Variants in INPP4B observed in about 807,000 individuals in gnomAD.
INPP4B encodes the protein inositol polyphosphate-4-phosphatase type II B, also known as inositol polyphosphate 4-phosphatase type II.
INPP4B carries 55 observed loss-of-function variants against 122.5 expected under a neutral mutation model. That is an observed-to-expected ratio of 0.45 (90% CI 0.36 to 0.56). The LOEUF (loss-of-function observed/expected upper bound fraction) is 0.56. Among genes scored for constraint, INPP4B ranks in the 20% least tolerant of loss-of-function variants. INPP4B has a pLI of 0.00. For missense variants in INPP4B, 1,000 were observed against 1,097.7 expected (o/e 0.91, Z 1.26); for synonymous variants, 403 against 388.7 (o/e 1.04, Z -0.43).
intron 2 of INPP4B, among the ~76,000 whole-genome samples, chr4:142,659,542 C>T (rs956097827): frequency 1.3e-5 from 2 of 152,110 alleles, no homozygotes; most frequent in Non-Finnish European, 1.5e-5. Flanking sequence ...TTCCTATGAA[C>T]CAACCAGCAA....
chr4:142,190,666 G>A (rs1049790865), intron 15 of INPP4B, among the ~76,000 whole-genome samples: 1 of 151,822 alleles, frequency 6.6e-6, no homozygotes, highest in Non-Finnish European at 1.5e-5. Context: ...GTGTTTGCAA[G>A]CATTGAACAT....
intron 21 of INPP4B, among the ~76,000 whole-genome samples, chr4:142,116,850 T>G (rs924474493): frequency 2.0e-5 from 3 of 151,702 alleles, no homozygotes; most frequent in Non-Finnish European, 4.4e-5. Flanking sequence ...AAAAAACCGT[T>G]CAAAAAAAGC....
At chr4:142,472,871 A>G (rs1819131404) in intron 2 of INPP4B, among the ~76,000 whole-genome samples, 1 of 152,216 alleles carries the variant, frequency 6.6e-6, no homozygotes, top group South Asian at 2.1e-4. Context: ...TTTGAAAAGA[A>G]AAACTTTTCT....
rs72941156 is a variant in INPP4B, at chr4:142,333,656, T to C, written c.373-18894A>G. Reference sequence around the variant, plus strand: ...CTTTATTACAGGTACTGAATTCAACTATTTTTTATTTTTGTTTTTTTTGTA... The same window carrying C: ...CTTTATTACAGGTACTGAATTCAACCATTTTTTATTTTTGTTTTTTTTGTA... On this transcript the variant is annotated intron_variant, in intron 7 of 25. Transcript: ENST00000262992. Among the ~76,000 whole-genome samples, 744 of 152,314 alleles carry C rather than the reference T, an allele frequency of 4.9e-3. 3 individuals are homozygous for C. Among genetic ancestry groups the C allele is most frequent in the African/African-American group, 0.017 (706 of 41,566 alleles).
At chr4:142,664,366 C>T (rs1755679392) in intron 2 of INPP4B, among the ~76,000 whole-genome samples, 1 of 152,120 alleles carries the variant, frequency 6.6e-6, no homozygotes, top group Non-Finnish European at 1.5e-5. Flanking sequence ...TCTAATACTC[C>T]ACCAAGGTCT....
intron 7 of INPP4B, among the ~76,000 whole-genome samples, chr4:142,398,376 TAAAAAAAAAA>T (rs1183246808): frequency 1.4e-3 from 12 of 8,866 alleles, no homozygotes; most frequent in South Asian, 9.5e-3. Flanking sequence ...AGACTCTGTC[TAAAAAAAAAA>T]AAAAAAAAAA....
rs1224252594 is a variant in INPP4B, at chr4:142,371,888, A to T, written c.372+31050T>A. On this transcript the variant is annotated intron_variant, in intron 7 of 25. Transcript: ENST00000262992. ...CGGCATGGAAGTCTCTCAAAAAAAA[A>T]AAAACTAAAAATAGAAGTACCATAC... 2.6e-5 allele frequency among the ~76,000 whole-genome samples: 4 copies of T among 151,984 alleles called. 1 individual carries two copies. In the East Asian group the frequency reaches 7.7e-4, roughly 29 times the overall value.
intron 5 of INPP4B, among the ~76,000 whole-genome samples, chr4:142,414,861 C>G (rs976455090): frequency 3.9e-5 from 6 of 152,130 alleles, no homozygotes; most frequent in Admixed American, 6.5e-5. Context: ...TTGGAAACAA[C>G]AAGTGTTTGC....
chr4:142,377,367 C>T (rs1284170598), intron 7 of INPP4B, among the ~76,000 whole-genome samples: 1 of 151,780 alleles, frequency 6.6e-6, no homozygotes, highest in Non-Finnish European at 1.5e-5. Flanking sequence ...TACCTTCTGC[C>T]ATGTCCAAGG....
chr4:142,610,761 T>A (rs2150336377), intron 2 of INPP4B, among the ~76,000 whole-genome samples: 1 of 152,200 alleles, frequency 6.6e-6, no homozygotes, highest in South Asian at 2.1e-4. Flanking sequence ...TTTTTGAAAA[T>A]TAACTGAGAA....
chr4:142,755,478 A>C (rs1770374122), intron 1 of INPP4B, among the ~76,000 whole-genome samples: 1 of 151,988 alleles, frequency 6.6e-6, no homozygotes, highest in Non-Finnish European at 1.5e-5. Context: ...CCAAACACAA[A>C]GCTATAATTT....
chr4:142,174,519 G>A (rs1183533363), intron 15 of INPP4B, among the ~76,000 whole-genome samples: 1 of 152,056 alleles, frequency 6.6e-6, no homozygotes, highest in African/African-American at 2.4e-5. Context: ...GACATTAGTA[G>A]CAGAATGCTA....
At chr4:142,664,381 C>A (rs1400373429) in intron 2 of INPP4B, among the ~76,000 whole-genome samples, 1 of 152,112 alleles carries the variant, frequency 6.6e-6, no homozygotes, top group African/African-American at 2.4e-5. Flanking sequence ...AGGTCTCACC[C>A]AAGTCTGGGC....
At chr4:142,051,293 T>C (rs996383207) in intron 25 of INPP4B, among the ~76,000 whole-genome samples, 5 of 152,026 alleles carry the variant, frequency 3.3e-5, no homozygotes, top group Admixed American at 6.6e-5. Flanking sequence ...CTAAAATTCA[T>C]AGTGCTTAAA....
chr4:142,406,750 C>G (rs781337678), intron 5 of INPP4B, among the ~76,000 whole-genome samples: 112 of 152,288 alleles, frequency 7.4e-4, no homozygotes, highest in Non-Finnish European at 1.0e-3. Context: ...AACATAATAG[C>G]TACAATGTAT....
At chr4:142,173,286 G>A (rs1579165713) in intron 16 of INPP4B, among the ~76,000 whole-genome samples, 1 of 151,866 alleles carries the variant, frequency 6.6e-6, no homozygotes, top group East Asian at 1.9e-4. Flanking sequence ...TAAAAATTAG[G>A]TGATCACCAG....
intron 2 of INPP4B, among the ~76,000 whole-genome samples, chr4:142,661,569 A>T (rs972977716): frequency 2.0e-5 from 3 of 152,234 alleles, no homozygotes; most frequent in African/African-American, 7.2e-5. Context: ...ATCTTTTATA[A>T]TAGTTAAACA....
intron 10 of INPP4B, among the ~76,000 whole-genome samples, chr4:142,266,792 G>C (rs918687778): frequency 6.6e-6 from 1 of 151,780 alleles, no homozygotes; most frequent in Non-Finnish European, 1.5e-5. Flanking sequence ...TGCTAATAAC[G>C]TGATCTTTTA....
In INPP4B at chr4:142,260,053, C is replaced by T. The variant is rs138798098; in HGVS notation, c.688+439G>A. On this transcript the variant is annotated intron_variant, in intron 11 of 25. Coordinates refer to ENST00000262992, the MANE Select transcript of INPP4B (RefSeq NM_001101669.3). ...AAGCTGGAGTGCAGTGGCGCGATCT[C>T]GGCTCCCTGCAACCTCCGCCCCTCG... 4.8e-3 allele frequency among the ~76,000 whole-genome samples: 727 copies of T among 152,222 alleles called. 4 individuals carry two copies. The highest frequency in any genetic ancestry group is 0.01 in the Middle Eastern group (3 of 294).
Sources: allele counts gnomAD v4.1 joint callset (sites outside exome capture counted in the v4.1 genomes callset), GRCh38; gene constraint gnomAD v4.1.1; transcripts MANE v1.5; gene names NCBI Gene and HGNC (gene_info 2026-07-23, HGNC 2026-07-21).